RNF41: variants seen among roughly 807,000 people sequenced by gnomAD.
The protein encoded by RNF41 is E3 ubiquitin-protein ligase NRDP1.
In RNF41, 4 loss-of-function variants were observed where a neutral mutation model predicts 33.0. The ratio of observed to expected loss-of-function variants is 0.12; its 90% CI spans 0.06 to 0.28. The LOEUF is 0.28. Ranked by LOEUF, RNF41 falls within the 10% of genes least tolerant of loss-of-function variation. The pLI is 1.00. For missense variants in RNF41, 228 were observed against 432.6 expected (o/e 0.53, Z 4.19); for synonymous variants, 164 against 153.2 (o/e 1.07, Z -0.52).
intron 4 of RNF41, chr12:56,209,961 A>G: frequency 3.3e-6 from 1 of 304,386 alleles, no homozygotes; most frequent in South Asian, 4.6e-5. Flanking sequence ...ATAGGGCAAG[A>G]GGAAATATGA....
In RNF41 at chr12:56,210,381, A is replaced by G; in HGVS notation, c.278T>C (p.Val93Ala). The G allele has an allele frequency of 6.2e-7, 1 of 1,614,196 alleles. No individual in the cohort carries two copies. The highest frequency in any genetic ancestry group is 8.5e-7 in the Non-Finnish European group (1 of 1,180,028). Residue 93 changes from valine (V) to alanine (A), a missense_variant, in exon 4 of 7, where the codon GTT (valine) becomes GCT (alanine). Val to Ala is a moderately conservative substitution (Grantham distance 64). This residue lies in a region of RNF41 where 199 missense variants were observed against 334.6 expected (regional missense o/e 0.59). Coordinates refer to ENST00000345093, the MANE Select transcript of RNF41 (RefSeq NM_005785.4). ...CDNAVFGCSA[V>A]VRLDNLMSHL... Reference sequence around the variant, plus strand: ...AGACATGAGGTTGTCAAGCCGGACAACGGCACTACAGCCGAACACAGCGTT... The same window carrying G: ...AGACATGAGGTTGTCAAGCCGGACAGCGGCACTACAGCCGAACACAGCGTT...
intron 3 of RNF41, among the ~76,000 whole-genome samples, chr12:56,211,729 T>C (rs553083026): frequency 6.6e-6 from 1 of 152,026 alleles, no homozygotes; most frequent in African/African-American, 2.4e-5. Flanking sequence ...TCCCAGCACT[T>C]TGGGAGGCTG....
In RNF41 at chr12:56,202,418, T is replaced by A. The variant is rs1878631135; in HGVS notation, c.*4029A>T. The A allele has an allele frequency of 6.6e-6, 1 of 152,082 alleles. No homozygotes were observed. Among genetic ancestry groups the A allele is most frequent in the African/African-American group, 2.4e-5 (1 of 41,408 alleles). The allele number at this position is 152,082 out of a possible 1,614,324, so 9.4% of individuals were successfully genotyped here. A position where few individuals can be genotyped will look rare whatever the true frequency, so the allele number is the denominator to read the frequency against. On this transcript the variant is annotated 3_prime_UTR_variant, in exon 7 of 7. Coordinates refer to ENST00000345093, the MANE Select transcript of RNF41 (RefSeq NM_005785.4). ...AAAAGTTTAGAACAGGTTGGCAAATTTTTTTCTGTAAAAGACCAAGTATTT... is the reference window on the plus strand; with the variant it reads ...AAAAGTTTAGAACAGGTTGGCAAATATTTTTCTGTAAAAGACCAAGTATTT...
At chr12:56,209,891 A>G (rs1194806180) in intron 4 of RNF41, 1 of 222,766 alleles carries the variant, frequency 4.5e-6, no homozygotes, top group East Asian at 9.9e-5. Flanking sequence ...GGTGTGAGCT[A>G]ACATGCCCTT....
In RNF41 at chr12:56,202,312, G is replaced by A. The variant is rs1878628173; in HGVS notation, c.*4135C>T. 1 of 152,092 alleles carries A rather than the reference G, an allele frequency of 6.6e-6. No individual in the cohort carries two copies. The highest frequency in any genetic ancestry group is 2.1e-4 in the South Asian group (1 of 4,814). 9.4% of individuals were successfully genotyped at this position (152,092 alleles called of 1,614,324 possible). ...GCCCAGGAGTTTGAGGCTACAGTGA[G>A]CTATATGATGGTGCCACTGCACTCC... is the stretch of plus-strand genomic sequence containing the variant. On this transcript the variant is annotated 3_prime_UTR_variant, in exon 7 of 7. Coordinates refer to ENST00000345093, the MANE Select transcript of RNF41 (RefSeq NM_005785.4).
intron 2 of RNF41, among the ~76,000 whole-genome samples, chr12:56,215,994 C>T (rs1051664214): frequency 6.6e-6 from 1 of 151,762 alleles, no homozygotes; most frequent in Admixed American, 6.6e-5. Flanking sequence ...TGGTGGTGGG[C>T]ACCTGTAATC....
intron 6 of RNF41, chr12:56,207,421 C>A: frequency 1.3e-6 from 1 of 784,316 alleles, no homozygotes; most frequent in Admixed American, 2.0e-5. Flanking sequence ...AAAGTGCATC[C>A]TTGGGCAGGC....
At chr12:56,208,801 C>T (rs994751407) in intron 4 of RNF41, among the ~76,000 whole-genome samples, 6 of 150,540 alleles carry the variant, frequency 4.0e-5, no homozygotes, top group African/African-American at 1.5e-4. Flanking sequence ...CCTGGCCTCA[C>T]GTGATCTGCC....
chr12:56,216,937 A>C (rs536995020), intron 1 of RNF41, among the ~76,000 whole-genome samples: 2 of 150,582 alleles, frequency 1.3e-5, no homozygotes, highest in African/African-American at 4.9e-5. Context: ...TCAGGAGATC[A>C]AGACCGTCCT....
intron 1 of RNF41, among the ~76,000 whole-genome samples, chr12:56,219,064 G>A (rs1300675927): frequency 6.6e-6 from 1 of 151,218 alleles, no homozygotes; most frequent in Admixed American, 6.6e-5. Flanking sequence ...GTGCAGTGAT[G>A]CAATCTCCTC....
intron 1 of RNF41, among the ~76,000 whole-genome samples, chr12:56,217,245 G>A (rs543910303): frequency 1.3e-5 from 2 of 151,716 alleles, no homozygotes; most frequent in South Asian, 4.2e-4. Context: ...TTCCAAATCT[G>A]TGACTACAAA....
In RNF41 at chr12:56,220,018, AAAATAAAT is replaced by A. The variant is rs60851148; in HGVS notation, c.-209+1734_-209+1741del. Among the ~76,000 whole-genome samples the A allele has an allele frequency of 4.3e-3, 594 of 139,378 alleles. 6 individuals are homozygous for A. Among genetic ancestry groups the A allele is most frequent in the East Asian group, 0.013 (61 of 4,600 alleles). The allele number at this position is 139,378 out of a possible 152,430, so 91.4% of individuals were successfully genotyped here. ...GGTGACAGAGTGAGACCCTGTCTCA[AAAATAAAT>A]AAATAAATAAATAAATAAATAAATA... On this transcript the variant is annotated intron_variant, in intron 1 of 6. Transcript: ENST00000345093.
Position 56,204,902 on chromosome 12 carries a change from A to G in RNF41, c.*1545T>C, listed in dbSNP as rs1346489488. On this transcript the variant is annotated 3_prime_UTR_variant, in exon 7 of 7. Transcript: ENST00000345093. ...GTGGGGAGGAGCCTTTCTATCTCCA[A>G]CCACACTCCCACCTCCATATTAAAA... 3 of 152,380 alleles carry G rather than the reference A, an allele frequency of 2.0e-5. No homozygotes were observed. Among genetic ancestry groups the G allele is most frequent in the African/African-American group, 2.4e-5 (1 of 41,388 alleles). The allele number at this position is 152,380 out of a possible 1,614,324, so 9.4% of individuals were successfully genotyped here.
In RNF41 at chr12:56,208,175, C is replaced by T. The variant is rs1868310898; in HGVS notation, c.486G>A (p.Gln162=). 3 of 1,614,208 alleles carry T rather than the reference C, an allele frequency of 1.9e-6. No individual in the cohort carries two copies. The South Asian group carries it at 3.3e-5, about 18-fold the overall frequency. ...TCTTGGGGCCTACCTGCTCCGCCAG[C>T]TGGTGTTTGTGTTCAGCTGACGTCT... ...LEKTSAEHKH[Q]LAEQKRDIQL... is the part of the protein sequence containing the mutation. Residue 162 remains glutamine (Q), a synonymous_variant, in exon 5 of 7, where the codon CAG becomes CAA. Transcript: ENST00000345093.
In RNF41 at chr12:56,210,382, C is replaced by T. The variant is rs142114673; in HGVS notation, c.277G>A (p.Val93Ile). 612 of 1,614,052 alleles carry T rather than the reference C, an allele frequency of 3.8e-4. 1 individual carries two copies. Among genetic ancestry groups the T allele is most frequent in the Non-Finnish European group, 4.7e-4 (549 of 1,180,018 alleles). ...CDNAVFGCSA[V>I]VRLDNLMSHL... ...GACATGAGGTTGTCAAGCCGGACAA[C>T]GGCACTACAGCCGAACACAGCGTTG... Residue 93 changes from valine to isoleucine, a missense_variant, in exon 4 of 7, where the codon GTT becomes ATT. Val to Ile is a conservative substitution (Grantham distance 29). This residue lies in a region of RNF41 where 199 missense variants were observed against 334.6 expected (regional missense o/e 0.59). Coordinates refer to ENST00000345093, the MANE Select transcript of RNF41 (RefSeq NM_005785.4).
chr12:56,214,837 A>C (rs1167729643), intron 2 of RNF41, among the ~76,000 whole-genome samples: 2 of 152,194 alleles, frequency 1.3e-5, no homozygotes, highest in Non-Finnish European at 2.9e-5. Flanking sequence ...TTAAAAAAAA[A>C]AGAAAAAAAG....
rs371112541 is a variant in RNF41, at chr12:56,207,617, A to G, written c.602+29T>C. The G allele has an allele frequency of 3.0e-5, 46 of 1,511,082 alleles. No individual in the cohort carries two copies. The African/African-American group carries it at 5.4e-4, about 18-fold the overall frequency. 93.6% of individuals were successfully genotyped at this position (1,511,082 alleles called of 1,614,324 possible). ...TTCAGGCCTTGTTGTCAGGACATGA[A>G]ATCACTCCACGTCCTGAGTGACACT... On this transcript the variant is annotated intron_variant, in intron 6 of 6. Transcript: ENST00000345093.
At chr12:56,211,841 G>A (rs965547050) in intron 3 of RNF41, among the ~76,000 whole-genome samples, 1 of 151,892 alleles carries the variant, frequency 6.6e-6, no homozygotes, top group East Asian at 1.9e-4. Context: ...GCGTGGTGGC[G>A]GGTGCCTGTA....
chr12:56,206,865 T>C lies in RNF41; in HGVS notation c.603-67A>G. On this transcript the variant is annotated intron_variant, in intron 6 of 6. Coordinates refer to ENST00000345093, the MANE Select transcript of RNF41 (RefSeq NM_005785.4). The surrounding 1 kb of genome is among the most constrained non-coding windows in gnomAD (Gnocchi z 5.7). ...CTTTCTCTGTATTGGCTTTTTCTGC[T>C]AATAGAAATAACTACCCACTCTGCA... 2.5e-6 allele frequency: 3 copies of C among 1,201,522 alleles called. No individual in the cohort carries two copies. The highest frequency in any genetic ancestry group is 3.5e-6 in the Non-Finnish European group (3 of 858,668). 74.4% of individuals were successfully genotyped at this position (1,201,522 alleles called of 1,614,324 possible).
Sources: gnomAD v4.1 joint callset for allele counts (sites outside exome capture counted in the v4.1 genomes callset) on GRCh38, gnomAD v4.1.1 for gene constraint, gnomAD v4.1.1 regional missense constraint, Gnocchi (gnomAD v3.1) non-coding constraint, MANE v1.5 for transcripts, NCBI Gene and HGNC (gene_info 2026-07-23, HGNC 2026-07-21) for gene names.